Variants in CTBP1 observed in about 807,000 individuals in gnomAD.
The protein encoded by CTBP1 is C-terminal binding protein 1.
A neutral mutation model predicts 42.1 loss-of-function variants in CTBP1; 11 were observed. The ratio of observed to expected loss-of-function variants is 0.26; its 90% CI spans 0.16 to 0.43. CTBP1 has a LOEUF of 0.43. Ranked by LOEUF, CTBP1 falls within the 20% of genes least tolerant of loss-of-function variation. The probability of loss-of-function intolerance (pLI) is 1.00; values close to 1 mark genes in which losing one functional copy is unlikely to be tolerated. For missense variants in CTBP1, 399 were observed against 624.3 expected (o/e 0.64, Z 3.85); for synonymous variants, 324 against 277.1 (o/e 1.17, Z -1.68).
intron 5 of CTBP1, among the ~76,000 whole-genome samples, chr4:1,219,690 G>C (rs1471843474): frequency 1.3e-5 from 2 of 152,258 alleles, no homozygotes; most frequent in Non-Finnish European, 2.9e-5. Flanking sequence ...GTGTGTGCAA[G>C]AGAAAATTCA....
intron 5 of CTBP1, among the ~76,000 whole-genome samples, chr4:1,221,090 C>G (rs867185804): frequency 6.6e-6 from 1 of 152,176 alleles, no homozygotes; most frequent in Admixed American, 6.5e-5. Flanking sequence ...ATGAAAATAT[C>G]CACAATGCAT....
At chr4:1,216,290 T>TGTGCCTCA in intron 5 of CTBP1, 85 bp from the exon 6 acceptor site, 1 of 1,337,442 alleles carries the variant, frequency 7.5e-7, no homozygotes, top group Non-Finnish European at 1.0e-6. Context: ...GAGTGGCCTC[T>TGTGCCTCA]GTGCCTCAGT....
chr4:1,245,753 C>T lies in CTBP1; in HGVS notation c.-189+3163G>A, dbSNP rs532576807. On this transcript the variant is annotated intron_variant, in intron 1 of 9. Coordinates refer to ENST00000382952, the MANE Select transcript of CTBP1 (RefSeq NM_001012614.2). Reference sequence around the variant, plus strand: ...GGTGGCACGTGTGGGTAGGGTAGCACGGGTAGGCAGGGTGGCTTGGGCCAC... The same window carrying T: ...GGTGGCACGTGTGGGTAGGGTAGCATGGGTAGGCAGGGTGGCTTGGGCCAC... Among the ~76,000 whole-genome samples, 105 of 152,108 alleles carry T rather than the reference C, an allele frequency of 6.9e-4. 3 individuals carry two copies. The South Asian group carries it at 0.021, about 30-fold the overall frequency.
chr4:1,234,567 A>C (rs1731288757), intron 3 of CTBP1: 1 of 152,256 alleles, frequency 6.6e-6, no homozygotes, highest in Non-Finnish European at 1.5e-5. Context: ...ACTGATCTGC[A>C]TTTTATATGA....
intron 1 of CTBP1, chr4:1,242,773 C>T (rs1732311116): frequency 4.1e-6 from 4 of 985,266 alleles, no homozygotes; most frequent in African/African-American, 1.7e-5. Context: ...TGCCAGATCT[C>T]CCCATGGTAC....
Position 1,214,332 on chromosome 4 carries a change from C to T in CTBP1, c.860+11G>A, listed in dbSNP as rs772651450. 19 of 1,543,038 alleles carry T rather than the reference C, an allele frequency of 1.2e-5. No individual in the cohort carries two copies. The highest frequency in any genetic ancestry group is 1.6e-5 in the Non-Finnish European group (18 of 1,152,694). ...GGAAGAGCAGGGGGGCGGCACTGGC[C>T]GTGGGGGCACCTGAAGGGTTCCGAC... On this transcript the variant is annotated intron_variant, in intron 7 of 9. Coordinates refer to ENST00000382952, the MANE Select transcript of CTBP1 (RefSeq NM_001012614.2).
intron 3 of CTBP1, among the ~76,000 whole-genome samples, chr4:1,234,054 G>C (rs1731234821): frequency 6.6e-6 from 1 of 152,216 alleles, no homozygotes; most frequent in Non-Finnish European, 1.5e-5. Context: ...GGGGACGGCA[G>C]GGAGAGGCCC....
chr4:1,212,374 C>T lies in CTBP1; in HGVS notation c.1156G>A (p.Val386Met). Residue 386 changes from valine (V) to methionine (M), a missense_variant, in exon 10 of 10, where the codon GTG becomes ATG. Around this residue, in one of 4 missense-constraint regions of CTBP1, gnomAD observed 309 missense variants for 497.5 expected, o/e 0.62. Coordinates refer to ENST00000382952, the MANE Select transcript of CTBP1 (RefSeq NM_001012614.2). ...GVAPTGIPAA[V>M]EGIVPSAMSL... ...ATGGCGCTGGGGACGATACCTTCCACAGCAGCTGGGATGCCAGTGGGGGCC... is the reference window on the plus strand; with the variant it reads ...ATGGCGCTGGGGACGATACCTTCCATAGCAGCTGGGATGCCAGTGGGGGCC... 2 of 1,502,686 alleles carry T rather than the reference C, an allele frequency of 1.3e-6. No homozygotes were observed. The highest frequency in any genetic ancestry group is 2.5e-5 in the Admixed American group (1 of 40,040). 93.1% of individuals were successfully genotyped at this position (1,502,686 alleles called of 1,614,324 possible). A position where few individuals can be genotyped will look rare whatever the true frequency, so the allele number is the denominator to read the frequency against.
At chr4:1,244,259 G>C (rs1269067267) in intron 1 of CTBP1, 1 of 985,114 alleles carries the variant, frequency 1.0e-6, no homozygotes, top group African/African-American at 1.7e-5. Context: ...GGTCCATTCT[G>C]GTCTGGAGAG....
chr4:1,224,081 TAC>T (rs1323143151), intron 5 of CTBP1, among the ~76,000 whole-genome samples: 6 of 152,266 alleles, frequency 3.9e-5, no homozygotes, highest in Non-Finnish European at 7.3e-5. Context: ...CAGCAGGATC[TAC>T]ACAGCCAGCT....
chr4:1,212,989 G>A lies in CTBP1; in HGVS notation c.1030C>T (p.His344Tyr), dbSNP rs758812496. The change falls in exon 9 of 10, where the codon CAT becomes TAT. Residue 344 changes from histidine to tyrosine, a missense_variant. This residue lies in a region of CTBP1 where 309 missense variants were observed against 497.5 expected (regional missense o/e 0.62). Coordinates refer to ENST00000382952, the MANE Select transcript of CTBP1 (RefSeq NM_001012614.2). ...GCCCAGTGGGTGGCGGCTGTCAGATGGTCCTTGTTGACACAGTTCTTCAGG... is the reference window on the plus strand; with the variant it reads ...GCCCAGTGGGTGGCGGCTGTCAGATAGTCCTTGTTGACACAGTTCTTCAGG... ...DSLKNCVNKD[H>Y]LTAATHWASM... is the part of the protein sequence containing the mutation. The A allele has an allele frequency of 2.5e-6, 4 of 1,613,956 alleles. No individual in the cohort carries two copies. In the South Asian group the frequency reaches 3.3e-5, roughly 13 times the overall value.
chr4:1,245,060 C>G (rs540739704), intron 1 of CTBP1: 4 of 983,972 alleles, frequency 4.1e-6, no homozygotes, highest in Non-Finnish European at 4.8e-6. Context: ...GAACCTCCCC[C>G]AGACAGACAA....
chr4:1,248,942 T>C lies in CTBP1; in HGVS notation c.-215A>G. 1 of 1,006,680 alleles carries C rather than the reference T, an allele frequency of 9.9e-7. No individual in the cohort carries two copies. The highest frequency in any genetic ancestry group is 4.9e-4 in the Middle Eastern group (1 of 2,030). The allele number at this position is 1,006,680 out of a possible 1,614,324, so 62.4% of individuals were successfully genotyped here. ...AAGCGGCAGGCCCTTGTTGAGCAAG[T>C]GCGAGCTGCCCATCGAGAGGCGCGA... On this transcript the variant is annotated 5_prime_UTR_variant, in exon 1 of 10. Transcript: ENST00000382952.
intron 4 of CTBP1, among the ~76,000 whole-genome samples, chr4:1,227,662 A>ATGTGC (rs1730517169): frequency 2.1e-5 from 3 of 145,548 alleles, no homozygotes; most frequent in African/African-American, 7.8e-5. Context: ...ATGGGTGCAG[A>ATGTGC]TGAGTGTGCG....
chr4:1,241,575 TCA>T (rs1732179827), intron 1 of CTBP1, 56 bp from the exon 2 acceptor site: 8 of 1,509,022 alleles, frequency 5.3e-6, no homozygotes, highest in South Asian at 4.8e-5. Context: ...CGACCAGAAC[TCA>T]CAGACTCCAG....
chr4:1,220,076 C>T (rs1729565664), intron 5 of CTBP1, among the ~76,000 whole-genome samples: 2 of 151,970 alleles, frequency 1.3e-5, no homozygotes, highest in African/African-American at 2.4e-5. Flanking sequence ...GTGGCGTGTG[C>T]CTGTAATCCC....
Position 1,238,583 on chromosome 4 carries a change from G to A in CTBP1, c.8-246C>T, listed in dbSNP as rs1413150807. ...CCACTACCATCTCCCTTGGGCACAG[G>A]ACCTCCGAGACCCTCCAAGTCCCCT... On this transcript the variant is annotated intron_variant, in intron 2 of 9. Coordinates refer to ENST00000382952, the MANE Select transcript of CTBP1 (RefSeq NM_001012614.2). This position sits in a 1 kb window ranked among gnomAD's most constrained non-coding sequence, Gnocchi z 5.9. Among the ~76,000 whole-genome samples, 1 of 151,786 alleles carries A rather than the reference G, an allele frequency of 6.6e-6. No homozygotes were observed. The highest frequency in any genetic ancestry group is 6.6e-5 in the Admixed American group (1 of 15,266).
Position 1,214,435 on chromosome 4 carries a change from AC to A in CTBP1, c.767del (p.Gly256ValfsTer13). 1 of 1,587,892 alleles carries A rather than the reference AC, an allele frequency of 6.3e-7. No homozygotes were observed. Among genetic ancestry groups the A allele is most frequent in the Non-Finnish European group, 8.6e-7 (1 of 1,169,404 alleles). On this transcript the variant is annotated frameshift_variant, in exon 7 of 10. Coordinates refer to ENST00000382952, the MANE Select transcript of CTBP1 (RefSeq NM_001012614.2). LOFTEE classifies it high-confidence loss of function. ...QGAFLVNTAR[G>X]GLVDEKALAQ... is the part of the protein sequence containing the mutation. ...CCAGCGCCTTCTCATCCACCAGGCC[AC>A]CCCGGGCTGTGTTCACCAGGAAGGC...
intron 6 of CTBP1, 72 bp downstream of exon 6, chr4:1,215,919 A>G: frequency 1.3e-6 from 2 of 1,483,512 alleles, no homozygotes; most frequent in Non-Finnish European, 1.8e-6. Flanking sequence ...GGCTGCTGGG[A>G]GGGACCTGCC....
Sources: gnomAD v4.1 joint callset for allele counts (sites outside exome capture counted in the v4.1 genomes callset) on GRCh38, gnomAD v4.1.1 for gene constraint, gnomAD v4.1.1 regional missense constraint, Gnocchi (gnomAD v3.1) non-coding constraint, MANE v1.5 for transcripts, NCBI Gene and HGNC (gene_info 2026-07-23, HGNC 2026-07-21) for gene names.